SGCD: variants seen among roughly 807,000 people sequenced by gnomAD.
SGCD encodes delta-sarcoglycan.
Under a neutral mutation model 36.6 loss-of-function variants are expected in SGCD, and 18 were observed. That is an observed-to-expected ratio of 0.49 (90% CI 0.34 to 0.73). The LOEUF is 0.73. Ranked by LOEUF, SGCD falls within the 30% of genes least tolerant of loss-of-function variation. The pLI is 0.01. For synonymous variants in SGCD, 133 were observed against 130.6 expected (o/e 1.02, Z -0.12); for missense variants, 387 against 346.7 (o/e 1.12, Z -0.92).
intron 1 of SGCD, among the ~76,000 whole-genome samples, chr5:156,024,891 G>C (rs1239399300): frequency 6.6e-6 from 1 of 151,322 alleles, no homozygotes; most frequent in Non-Finnish European, 1.5e-5. Context: ...CCTGGAGGCA[G>C]AGGTTGCAGT....
intron 4 of SGCD, among the ~76,000 whole-genome samples, chr5:156,574,260 C>A (rs1349853749): frequency 6.6e-6 from 1 of 152,142 alleles, no homozygotes; most frequent in African/African-American, 2.4e-5. Context: ...AGAAACTGAC[C>A]ATATCCTAAC....
Position 156,761,636 on chromosome 5 carries a change from T to C in SGCD, c.*2246T>C, listed in dbSNP as rs374395065. ...GGTTAAGACAGGTGATTTTTTAAAGTAGACTGTCTTTGCATTTTGCCATCT... is the reference window on the plus strand; with the variant it reads ...GGTTAAGACAGGTGATTTTTTAAAGCAGACTGTCTTTGCATTTTGCCATCT... On this transcript the variant is annotated 3_prime_UTR_variant, in exon 9 of 9. Coordinates refer to ENST00000337851, the MANE Select transcript of SGCD (RefSeq NM_000337.6). 1 of 151,854 alleles carries C rather than the reference T, an allele frequency of 6.6e-6. No homozygotes were observed. Among genetic ancestry groups the C allele is most frequent in the Non-Finnish European group, 1.5e-5 (1 of 68,032 alleles). 9.4% of individuals were successfully genotyped at this position (151,854 alleles called of 1,614,324 possible). A position where few individuals can be genotyped will look rare whatever the true frequency, so the allele number is the denominator to read the frequency against.
intron 4 of SGCD, among the ~76,000 whole-genome samples, chr5:156,523,817 A>G (rs1757513373): frequency 6.6e-6 from 1 of 151,396 alleles, no homozygotes; most frequent in South Asian, 2.1e-4. Flanking sequence ...CAGTTACTTA[A>G]CTCATTTATA....
intron 6 of SGCD, among the ~76,000 whole-genome samples, chr5:156,598,764 A>C (rs1761044392): frequency 6.6e-6 from 1 of 152,146 alleles, no homozygotes; most frequent in Non-Finnish European, 1.5e-5. Context: ...GCTTAATCTT[A>C]ACATCCAAAA....
the SGCD span, among the ~76,000 whole-genome samples, chr5:155,854,056 C>T: frequency 6.6e-6 from 1 of 152,042 alleles, no homozygotes; most frequent in African/African-American, 2.4e-5. Context: ...TCTATTTAAC[C>T]TTATTTTTTA....
chr5:156,273,261 G>A (rs1451906701), intron 3 of SGCD, among the ~76,000 whole-genome samples: 6 of 152,150 alleles, frequency 3.9e-5, no homozygotes, highest in Admixed American at 2.0e-4. Context: ...AAGCAAATAC[G>A]AAATAATTGC....
intron 3 of SGCD, among the ~76,000 whole-genome samples, chr5:156,378,819 A>T (rs1298173760): frequency 1.3e-5 from 2 of 152,198 alleles, no homozygotes; most frequent in Non-Finnish European, 2.9e-5. Flanking sequence ...AAGAGTTAGT[A>T]TGTGGACAAA....
chr5:156,333,240 A>G (rs1472630431), intron 2 of SGCD, among the ~76,000 whole-genome samples: 1 of 152,184 alleles, frequency 6.6e-6, no homozygotes, highest in Non-Finnish European at 1.5e-5. Flanking sequence ...TCACTATAGA[A>G]GGATGTGCCT....
chr5:155,996,888 GAT>G, intron 1 of SGCD, among the ~76,000 whole-genome samples: 1 of 144,776 alleles, frequency 6.9e-6, no homozygotes, highest in Non-Finnish European at 1.5e-5. Flanking sequence ...TAGATAGATA[GAT>G]AGATAGATAG....
At chr5:156,430,615 C>A (rs1191410736) in intron 3 of SGCD, among the ~76,000 whole-genome samples, 1 of 151,926 alleles carries the variant, frequency 6.6e-6, no homozygotes, top group Non-Finnish European at 1.5e-5. Context: ...TTGATTAGAC[C>A]ATTTCCTCAA....
At chr5:156,002,032 A>G (rs1396951993) in intron 1 of SGCD, among the ~76,000 whole-genome samples, 3 of 152,246 alleles carry the variant, frequency 2.0e-5, no homozygotes, top group Non-Finnish European at 4.4e-5. Context: ...AAATGAAATG[A>G]AAGAAAGATA....
chr5:156,386,233 G>C (rs1017710121), intron 3 of SGCD, among the ~76,000 whole-genome samples: 2 of 152,144 alleles, frequency 1.3e-5, no homozygotes, highest in Non-Finnish European at 2.9e-5. Flanking sequence ...GTAGGGTAGG[G>C]TGTGACAAGG....
intron 6 of SGCD, among the ~76,000 whole-genome samples, chr5:156,598,452 G>C (rs978970879): frequency 6.6e-6 from 1 of 152,176 alleles, no homozygotes; most frequent in Non-Finnish European, 1.5e-5. Flanking sequence ...TGAGGCAGGA[G>C]AATTGCTTGA....
rs536539432 is a variant in SGCD, at chr5:156,462,482, A to T, written c.193-46119A>T. Among the ~76,000 whole-genome samples the T allele has an allele frequency of 2.4e-4, 37 of 152,302 alleles. 1 individual carries two copies. In the South Asian group the frequency reaches 6.6e-3, roughly 27 times the overall value. ...AATCAAGACACAAAGAAAGGAAAGG[A>T]CTTAATTTACTAAATTTTGGGTGGG... On this transcript the variant is annotated intron_variant, in intron 3 of 8. Transcript: ENST00000337851.
chr5:156,212,939 A>G (rs1764482102), intron 3 of SGCD, among the ~76,000 whole-genome samples: 1 of 152,102 alleles, frequency 6.6e-6, no homozygotes. Flanking sequence ...ATTTAAAAAT[A>G]TCTTGACACA....
chr5:156,557,845 A>G (rs983767829), intron 4 of SGCD, among the ~76,000 whole-genome samples: 1 of 151,896 alleles, frequency 6.6e-6, no homozygotes, highest in East Asian at 1.9e-4. Context: ...TATCTTATAT[A>G]ACTTTAATAA....
At chr5:156,249,319 G>A (rs555172980) in intron 3 of SGCD, among the ~76,000 whole-genome samples, 3 of 152,164 alleles carry the variant, frequency 2.0e-5, no homozygotes, top group African/African-American at 7.2e-5. Context: ...GGAGATGAGA[G>A]TGTTCAATTA....
chr5:156,600,656 G>C (rs1003738015), intron 6 of SGCD, among the ~76,000 whole-genome samples: 1 of 152,110 alleles, frequency 6.6e-6, no homozygotes, highest in African/African-American at 2.4e-5. Flanking sequence ...ACATCTCTTT[G>C]ATGTATTGAT....
intron 3 of SGCD, among the ~76,000 whole-genome samples, chr5:156,315,945 C>T (rs1259879388): frequency 2.0e-5 from 3 of 151,750 alleles, no homozygotes; most frequent in African/African-American, 7.3e-5. Context: ...ATATTAACCC[C>T]TTATCAAATA....
Sources: gnomAD v4.1 joint callset for allele counts (sites outside exome capture counted in the v4.1 genomes callset) on GRCh38, gnomAD v4.1.1 for gene constraint, MANE v1.5 for transcripts, NCBI Gene and HGNC (gene_info 2026-07-23, HGNC 2026-07-21) for gene names.